Variants in EML5 observed in about 807,000 individuals in gnomAD.
The protein encoded by EML5 is echinoderm microtubule-associated protein-like 5.
In EML5, 120 loss-of-function variants were observed where a neutral mutation model predicts 250.0. The observed-to-expected ratio is 0.48, with a 90% CI of 0.41 to 0.56. The LOEUF is 0.56. Ranked by LOEUF, EML5 falls within the 20% of genes least tolerant of loss-of-function variation. The probability of loss-of-function intolerance (pLI) is 0.00; values close to 1 mark genes in which losing one functional copy is unlikely to be tolerated. For synonymous variants in EML5, 771 were observed against 806.5 expected, an observed-to-expected ratio of 0.96 and a Z score of 0.75; for missense variants, 2,006 against 2,437.6, an observed-to-expected ratio of 0.82 and a Z score of 3.73.
intron 23 of EML5, 84 bp from the exon 24 acceptor site, chr14:88,663,203 G>T: frequency 4.4e-6 from 4 of 911,478 alleles, no homozygotes; most frequent in Non-Finnish European, 3.0e-6. Flanking sequence ...AAGTTTTATG[G>T]GAAAAAATCA....
chr14:88,790,101 G>A (rs1479406536), intron 1 of EML5, among the ~76,000 whole-genome samples: 2 of 152,074 alleles, frequency 1.3e-5, no homozygotes, highest in East Asian at 3.9e-4. Context: ...TTTAATATTA[G>A]CTCAATATAT....
chr14:88,759,469 A>G (rs1458393778), intron 1 of EML5, among the ~76,000 whole-genome samples: 1 of 151,990 alleles, frequency 6.6e-6, no homozygotes, highest in Non-Finnish European at 1.5e-5. Flanking sequence ...GGATCACTTC[A>G]GGCTAGGAGT....
intron 9 of EML5, among the ~76,000 whole-genome samples, chr14:88,713,832 GTTTA>G (rs1189144168): frequency 1.7e-4 from 23 of 132,788 alleles, no homozygotes; most frequent in African/African-American, 4.9e-4. Flanking sequence ...TATTTGCAAA[GTTTA>G]TTTGTTTTTT....
intron 21 of EML5, among the ~76,000 whole-genome samples, chr14:88,672,421 C>T (rs780659000): frequency 2.6e-5 from 4 of 151,926 alleles, no homozygotes; most frequent in Non-Finnish European, 5.9e-5. Context: ...AATGTATAGC[C>T]CTAAATGCCC....
At chr14:88,683,511 A>C (rs561547807) in intron 20 of EML5, among the ~76,000 whole-genome samples, 5 of 152,372 alleles carry the variant, frequency 3.3e-5, no homozygotes, top group African/African-American at 1.2e-4. Flanking sequence ...CCCTGATATC[A>C]AAGCCAGACA....
intron 30 of EML5, 133 bp downstream of exon 30, chr14:88,644,300 T>C (rs903624687): frequency 2.8e-6 from 2 of 712,404 alleles, no homozygotes; most frequent in Non-Finnish European, 4.6e-6. Flanking sequence ...CAGACTTACA[T>C]AAGAATTAAG....
chr14:88,644,331 A>G (rs1000646219), intron 30 of EML5, 102 bp downstream of exon 30: 34 of 1,059,060 alleles, frequency 3.2e-5, no homozygotes, highest in Non-Finnish European at 4.7e-5. Context: ...AACAGTACTC[A>G]AATACACTGA....
chr14:88,616,250 A>G lies in EML5; in HGVS notation c.5797-8T>C. ...GAACCTTTTGTGTTTTGCCTAAAAA[A>G]CAATGACAGACAAGCTCAGGGCATT... On this transcript the variant is annotated splice_region_variant and splice_polypyrimidine_tract_variant and intron_variant, in intron 42 of 43. Coordinates refer to ENST00000554922, the MANE Select transcript of EML5 (RefSeq NM_183387.3). 1 of 1,613,312 alleles carries G rather than the reference A, an allele frequency of 6.2e-7. No homozygotes were observed. The highest frequency in any genetic ancestry group is 8.5e-7 in the Non-Finnish European group (1 of 1,179,284).
rs1342801703 is a variant in EML5 at position 88,738,995 on chromosome 14, T to C, written c.731A>G (p.Asn244Ser). 4 of 1,604,798 alleles carry C rather than the reference T, an allele frequency of 2.5e-6. No homozygotes were observed. Among genetic ancestry groups the C allele is most frequent in the Non-Finnish European group, 3.4e-6 (4 of 1,177,264 alleles). The change falls in exon 6 of 44, where the codon AAT becomes AGT. Residue 244 changes from asparagine (N) to serine (S), a missense_variant. Around this residue, in one of 7 missense-constraint regions of EML5, gnomAD observed 1,375 missense variants for 1,590.3 expected, o/e 0.86. Transcript: ENST00000554922. ...GAHAAGIFSM[N>S]ACEEGFATGG... ...AGTAGCAAAGCCTTCTTCACAAGCATTCATGCTAAAAATTCCTGCCTAGAA... is the reference window on the plus strand; with the variant it reads ...AGTAGCAAAGCCTTCTTCACAAGCACTCATGCTAAAAATTCCTGCCTAGAA...
intron 9 of EML5, 150 bp from the exon 10 acceptor site, chr14:88,712,633 G>A (rs968117475): frequency 1.7e-6 from 1 of 581,444 alleles, no homozygotes; most frequent in Non-Finnish European, 3.0e-6. Context: ...ATAAGTTTGG[G>A]TTAAGAGAAA....
intron 8 of EML5, among the ~76,000 whole-genome samples, chr14:88,719,794 T>C (rs2093561540): frequency 6.6e-6 from 1 of 151,946 alleles, no homozygotes; most frequent in Non-Finnish European, 1.5e-5. Context: ...TAAAAATACC[T>C]TCACAAAGGA....
In EML5 at chr14:88,615,840, T is replaced by C; in HGVS notation, c.5912A>G (p.Lys1971Arg). The change falls in exon 44 of 44, where the codon AAA (lysine) becomes AGA (arginine). Residue 1971 changes from lysine (K) to arginine (R), a missense_variant. By Grantham distance (26) the Lys-to-Arg change is conservative (BLOSUM62 2). Transcript: ENST00000554922. ...CTCTCAGTGAGGTGTATGTACACAT[T>C]TCCAGACAAATAAGCTGCAATCAGA... ...GGDDCSLFVW[K>R]CVHTPH 6.2e-7 allele frequency: 1 copy of C among 1,611,946 alleles called. No individual in the cohort carries two copies. Among genetic ancestry groups the C allele is most frequent in the Non-Finnish European group, 8.5e-7 (1 of 1,179,074 alleles).
At chr14:88,662,340 T>G (rs1377415529) in intron 24 of EML5, among the ~76,000 whole-genome samples, 1 of 23,658 alleles carries the variant, frequency 4.2e-5, no homozygotes, top group Non-Finnish European at 8.0e-5. Flanking sequence ...ATTTTTCTTG[T>G]TTTTTTTTTT....
At position 88,745,167 on chromosome 14, in the gene EML5, T is replaced by TTGTGTG. The variant is rs1555370057; in HGVS notation, c.456+1012_456+1017dup. Among the ~76,000 whole-genome samples the TTGTGTG allele has an allele frequency of 9.1e-3, 1,315 of 145,272 alleles. 34 individuals carry two copies. The highest frequency in any genetic ancestry group is 0.029 in the African/African-American group (1,129 of 38,978). On this transcript the variant is annotated intron_variant, in intron 3 of 43. Transcript: ENST00000554922. ...TTTAATAATGGTCTAAATTGTGTGTTTGTGTGTGTGTGTGTGTGTGTGTGT... is the reference window on the plus strand; with the variant it reads ...TTTAATAATGGTCTAAATTGTGTGTTTGTGTGTGTGTGTGTGTGTGTGTGTGTGTGT...
chr14:88,710,584 T>C (rs1381251292), intron 10 of EML5, among the ~76,000 whole-genome samples: 1 of 152,196 alleles, frequency 6.6e-6, no homozygotes, highest in East Asian at 1.9e-4. Flanking sequence ...TTGGCCTAAG[T>C]GGTCTGCAAA....
chr14:88,754,604 T>C lies in EML5; in HGVS notation c.265A>G (p.Ile89Val). The change falls in exon 2 of 44, where the codon ATT (isoleucine) becomes GTT (valine). Residue 89 changes from isoleucine (I) to valine (V), a missense_variant. Coordinates refer to ENST00000554922, the MANE Select transcript of EML5 (RefSeq NM_183387.3). ...GTCTGCACAGTGTATGAATCCCAAA[T>C]ACAAATATAAGGCTCTTTCCCAACT... ...GQVGKEPYIC[I>V]WDSYTVQTIS... 2 of 1,613,352 alleles carry C rather than the reference T, an allele frequency of 1.2e-6. No homozygotes were observed. The highest frequency in any genetic ancestry group is 1.7e-6 in the Non-Finnish European group (2 of 1,179,624).
intron 1 of EML5, among the ~76,000 whole-genome samples, chr14:88,788,098 C>G (rs956088719): frequency 2.0e-5 from 3 of 152,094 alleles, no homozygotes; most frequent in Non-Finnish European, 4.4e-5. Context: ...GAGCATGTAT[C>G]TAGAAGCATT....
At chr14:88,698,297 A>C (rs1595564791) in intron 14 of EML5, among the ~76,000 whole-genome samples, 3 of 113,056 alleles carry the variant, frequency 2.7e-5, no homozygotes, top group African/African-American at 3.9e-5. Flanking sequence ...ACAAGGTTTC[A>C]CTCCTGTTGC....
At chr14:88,618,457 G>T in intron 40 of EML5, 126 bp from the exon 41 acceptor site, 1 of 1,098,076 alleles carries the variant, frequency 9.1e-7, no homozygotes, top group Non-Finnish European at 1.3e-6. Context: ...GTATGCAAAA[G>T]ATCACTACAA....
Sources: allele counts gnomAD v4.1 joint callset (sites outside exome capture counted in the v4.1 genomes callset), GRCh38; gene constraint gnomAD v4.1.1; regional missense constraint gnomAD v4.1.1; transcripts MANE v1.5; gene names NCBI Gene and HGNC (gene_info 2026-07-23, HGNC 2026-07-21).